Variants in UBAC2 observed in about 807,000 individuals in gnomAD.
The protein encoded by UBAC2 is ubiquitin-associated domain-containing protein 2.
A neutral mutation model predicts 44.0 loss-of-function variants in UBAC2; 26 were observed. The ratio of observed to expected loss-of-function variants is 0.59; its 90% CI spans 0.43 to 0.82. The LOEUF is 0.82. Ranked by LOEUF, UBAC2 falls within the 40% of genes least tolerant of loss-of-function variation. The pLI is 0.00. For missense variants in UBAC2, 329 were observed against 419.4 expected (o/e 0.78, Z 1.88); for synonymous variants, 155 against 154.3 (o/e 1.00, Z -0.04).
chr13:99,240,096 C>G lies in UBAC2; in HGVS notation c.159+1542C>G, dbSNP rs180843178. ...AAACCCAGGCTTAGATTGGAGAAGTCCAGGAGGGCTCAGTTGATGAAGGGC... is the reference window on the plus strand; with the variant it reads ...AAACCCAGGCTTAGATTGGAGAAGTGCAGGAGGGCTCAGTTGATGAAGGGC... On this transcript the variant is annotated intron_variant, in intron 2 of 8. Coordinates refer to ENST00000403766, the MANE Select transcript of UBAC2 (RefSeq NM_001144072.2). Among the ~76,000 whole-genome samples the G allele has an allele frequency of 3.3e-5, 5 of 152,230 alleles. No individual in the cohort carries two copies. In the East Asian group the frequency reaches 9.6e-4, roughly 29 times the overall value.
intron 4 of UBAC2, among the ~76,000 whole-genome samples, chr13:99,304,168 C>A (rs1433555931): frequency 6.6e-6 from 1 of 152,200 alleles, no homozygotes; most frequent in Admixed American, 6.5e-5. Flanking sequence ...TTCCCCTGAT[C>A]GTGGCCTGGC....
intron 7 of UBAC2, among the ~76,000 whole-genome samples, chr13:99,343,861 G>A (rs764285619): frequency 4.6e-5 from 7 of 152,194 alleles, no homozygotes; most frequent in African/African-American, 1.4e-4. Context: ...CACGAGTACC[G>A]TACAGGGTGC....
intron 4 of UBAC2, among the ~76,000 whole-genome samples, chr13:99,278,216 T>C (rs1321613958): frequency 6.6e-6 from 1 of 152,196 alleles, no homozygotes; most frequent in Non-Finnish European, 1.5e-5. Flanking sequence ...ATGTAATATT[T>C]TTCTTAAATT....
At chr13:99,363,211 C>CACTAT (rs1358099206) in intron 7 of UBAC2, among the ~76,000 whole-genome samples, 1 of 152,146 alleles carries the variant, frequency 6.6e-6, no homozygotes, top group Non-Finnish European at 1.5e-5. Context: ...GCCTAACTTC[C>CACTAT]ACTAATACCA....
intron 1 of UBAC2, among the ~76,000 whole-genome samples, chr13:99,224,773 A>AT (rs1465035559): frequency 1.3e-5 from 2 of 152,196 alleles, no homozygotes; most frequent in Non-Finnish European, 2.9e-5. Flanking sequence ...TTATAGTCAC[A>AT]TTTTCTCTAA....
chr13:99,201,085 C>T (rs2042789645), intron 1 of UBAC2, 146 bp downstream of exon 1: 1 of 1,339,680 alleles, frequency 7.5e-7, no homozygotes, highest in Non-Finnish European at 9.6e-7. Flanking sequence ...CTGCTAGTTC[C>T]CGGTCTTGGG....
chr13:99,340,520 G>C lies in UBAC2; in HGVS notation c.762G>C (p.Leu254=), dbSNP rs763748913. ...QQRMELLDRQ[L]MFSQFAQGRR... is the part of the protein sequence containing the mutation. Reference sequence around the variant, plus strand: ...GAATGGAGCTGCTGGACCGGCAGCTGATGTTCTCTCAGTTTGCACAAGGGA... The same window carrying C: ...GAATGGAGCTGCTGGACCGGCAGCTCATGTTCTCTCAGTTTGCACAAGGGA... Residue 254 remains leucine (L), a synonymous_variant, in exon 7 of 9, where the codon CTG becomes CTC. Transcript: ENST00000403766. The C allele has an allele frequency of 1.2e-6, 2 of 1,614,176 alleles. No individual in the cohort carries two copies. The highest frequency in any genetic ancestry group is 2.2e-5 in the South Asian group (2 of 91,090).
At chr13:99,330,997 G>C (rs866876741) in intron 6 of UBAC2, among the ~76,000 whole-genome samples, 6 of 152,162 alleles carry the variant, frequency 3.9e-5, no homozygotes, top group African/African-American at 1.4e-4. Flanking sequence ...ACCTGATGAT[G>C]GTTTTCTCCA....
chr13:99,235,270 A>G (rs1047468417), intron 1 of UBAC2, among the ~76,000 whole-genome samples: 3 of 152,250 alleles, frequency 2.0e-5, no homozygotes, highest in African/African-American at 7.2e-5. Context: ...CACTGATGAA[A>G]GAACTTGAAG....
intron 8 of UBAC2, among the ~76,000 whole-genome samples, chr13:99,370,991 T>C (rs913705231): frequency 6.6e-6 from 1 of 152,244 alleles, no homozygotes; most frequent in African/African-American, 2.4e-5. Context: ...AATTCCGTTA[T>C]GTTACTGTTT....
At chr13:99,317,722 GT>G (rs1205608169) in intron 5 of UBAC2, among the ~76,000 whole-genome samples, 2 of 152,134 alleles carry the variant, frequency 1.3e-5, no homozygotes, top group Non-Finnish European at 2.9e-5. Flanking sequence ...CTTTAAGTCA[GT>G]TGAAATTTGT....
intron 1 of UBAC2, among the ~76,000 whole-genome samples, chr13:99,203,525 A>G (rs972938191): frequency 6.6e-6 from 1 of 152,222 alleles, no homozygotes. Flanking sequence ...AGTAGATAAT[A>G]GTATTTTAGT....
At chr13:99,316,579 A>G (rs772429767) in intron 5 of UBAC2, among the ~76,000 whole-genome samples, 3 of 152,236 alleles carry the variant, frequency 2.0e-5, no homozygotes, top group African/African-American at 4.8e-5. Flanking sequence ...TACTTAAATC[A>G]GTATCACCCA....
chr13:99,201,826 C>T (rs2042804985), intron 1 of UBAC2, among the ~76,000 whole-genome samples: 1 of 152,126 alleles, frequency 6.6e-6, no homozygotes, highest in Non-Finnish European at 1.5e-5. Flanking sequence ...AATCCCAGCA[C>T]TTTGGGAGGC....
intron 1 of UBAC2, among the ~76,000 whole-genome samples, chr13:99,224,257 T>A (rs1458986430): frequency 6.6e-6 from 1 of 152,172 alleles, no homozygotes. Flanking sequence ...GGTCCCTCCC[T>A]TTTCTTAAAA....
At chr13:99,321,938 A>C (rs2044573860) in intron 6 of UBAC2, among the ~76,000 whole-genome samples, 1 of 152,188 alleles carries the variant, frequency 6.6e-6, no homozygotes, top group Non-Finnish European at 1.5e-5. Context: ...ATTCTCTTGT[A>C]CTTAAAGATG....
At chr13:99,252,631 T>C (rs1386752207) in intron 4 of UBAC2, among the ~76,000 whole-genome samples, 1 of 152,096 alleles carries the variant, frequency 6.6e-6, no homozygotes, top group African/African-American at 2.4e-5. Context: ...TCTGGCCTTA[T>C]ATACCTATTA....
At chr13:99,230,166 A>G (rs1454717136) in intron 1 of UBAC2, among the ~76,000 whole-genome samples, 1 of 152,198 alleles carries the variant, frequency 6.6e-6, no homozygotes, top group Non-Finnish European at 1.5e-5. Context: ...GTGGTGGTTT[A>G]AAACAAAAGA....
chr13:99,300,213 G>C (rs544976973), intron 4 of UBAC2, among the ~76,000 whole-genome samples: 1 of 152,366 alleles, frequency 6.6e-6, no homozygotes, highest in South Asian at 2.1e-4. Flanking sequence ...GTAGCCTGTT[G>C]AGGGTCCTTA....
Sources: allele counts gnomAD v4.1 joint callset (sites outside exome capture counted in the v4.1 genomes callset), GRCh38; gene constraint gnomAD v4.1.1; transcripts MANE v1.5; gene names NCBI Gene and HGNC (gene_info 2026-07-23, HGNC 2026-07-21).